FLRT2: variants seen among roughly 807,000 people sequenced by gnomAD.
FLRT2 encodes fibronectin leucine rich transmembrane protein 2.
FLRT2 carries 15 observed loss-of-function variants against 40.0 expected under a neutral mutation model. That is an observed-to-expected ratio of 0.38 (90% confidence interval 0.25 to 0.58). The LOEUF is 0.58. Among genes scored for constraint, FLRT2 ranks in the 20% least tolerant of loss-of-function variants. The probability of loss-of-function intolerance (pLI) is 0.71; values close to 1 mark genes in which losing one functional copy is unlikely to be tolerated. For synonymous variants in FLRT2, 380 were observed against 336.8 expected (o/e 1.13, Z -1.41); for missense variants, 726 against 840.0 (o/e 0.86, Z 1.68).
chr14:85,559,545 A>C (rs1292001001), intron 1 of FLRT2: 1 of 152,192 alleles, frequency 6.6e-6, no homozygotes, highest in East Asian at 1.9e-4. Flanking sequence ...TGAACCATAC[A>C]TGCTTGTAGT....
chr14:85,622,846 C>G lies in FLRT2; in HGVS notation c.1332C>G (p.Leu444=). ...DTSIQVSWLS[L]FTVMAYKLTW... ...CCATTCAAGTCAGCTGGCTCTCTCTCTTCACCGTGATGGCATACAAACTCA... is the reference window on the plus strand; with the variant it reads ...CCATTCAAGTCAGCTGGCTCTCTCTGTTCACCGTGATGGCATACAAACTCA... The change falls in exon 2 of 2, where the codon CTC becomes CTG. Residue 444 remains leucine, a synonymous_variant. Coordinates refer to ENST00000330753, the MANE Select transcript of FLRT2 (RefSeq NM_013231.6). The G allele has an allele frequency of 6.2e-7, 1 of 1,614,190 alleles. No individual in the cohort carries two copies. Among genetic ancestry groups the G allele is most frequent in the Non-Finnish European group, 8.5e-7 (1 of 1,180,038 alleles).
At chr14:85,579,791 C>T (rs1260041883) in intron 1 of FLRT2, among the ~76,000 whole-genome samples, 1 of 152,014 alleles carries the variant, frequency 6.6e-6, no homozygotes, top group East Asian at 1.9e-4. Context: ...GTAATAAGGG[C>T]TTACAGGGCA....
At chr14:85,612,586 G>T (rs1224054728) in intron 1 of FLRT2, among the ~76,000 whole-genome samples, 1 of 152,088 alleles carries the variant, frequency 6.6e-6, no homozygotes, top group East Asian at 1.9e-4. Context: ...GAAGGAGAGG[G>T]TCAAGGATAA....
chr14:85,563,375 A>T (rs149646174), intron 1 of FLRT2, among the ~76,000 whole-genome samples: 20 of 152,286 alleles, frequency 1.3e-4, no homozygotes, highest in African/African-American at 4.6e-4. Context: ...GTTTGTTCTC[A>T]CACTGCTGTA....
intron 1 of FLRT2, among the ~76,000 whole-genome samples, chr14:85,591,825 T>A (rs34836288): frequency 0.31 from 46,650 of 151,928 alleles, 7,834 homozygotes; most frequent in African/African-American, 0.45. Context: ...TGAAGTGAGG[T>A]GGTGTTTTGT....
At chr14:85,533,278 C>T (rs1888403058) in intron 1 of FLRT2, among the ~76,000 whole-genome samples, 1 of 147,926 alleles carries the variant, frequency 6.8e-6, no homozygotes, top group African/African-American at 2.4e-5. Flanking sequence ...GTAAACATAT[C>T]CGGGGGTGTC....
rs144096496 is a variant in FLRT2 at position 85,648,583 on chromosome 14, C to G, written c.*25086C>G. On this transcript the variant is annotated 3_prime_UTR_variant, in exon 2 of 2. Coordinates refer to ENST00000330753, the MANE Select transcript of FLRT2 (RefSeq NM_013231.6). ...CTCAGATGTGCTCTTGTACTTAATA[C>G]TTCCACTGGCAGTCCCTTTTCTTTC... 6.6e-6 allele frequency: 1 copy of G among 152,290 alleles called. No individual in the cohort carries two copies. Among genetic ancestry groups the G allele is most frequent in the East Asian group, 1.9e-4 (1 of 5,170 alleles). 9.4% of individuals were successfully genotyped at this position (152,290 alleles called of 1,614,324 possible).
Position 85,563,649 on chromosome 14 carries a change from A to G in FLRT2, c.-377+33115A>G, listed in dbSNP as rs189916052. ...AACAGCAAGGGGGAAGTCCACCTAC[A>G]TGATTCAATCACCTCCTTCCAGGCC... On this transcript the variant is annotated intron_variant, in intron 1 of 1. Coordinates refer to ENST00000330753, the MANE Select transcript of FLRT2 (RefSeq NM_013231.6). 3.4e-3 allele frequency among the ~76,000 whole-genome samples: 513 copies of G among 152,274 alleles called. 1 individual carries two copies. The highest frequency in any genetic ancestry group is 5.0e-3 in the Non-Finnish European group (343 of 68,030).
chr14:85,653,032 G>A lies in FLRT2; in HGVS notation c.*29535G>A, dbSNP rs1214964335. On this transcript the variant is annotated 3_prime_UTR_variant, in exon 2 of 2. Transcript: ENST00000330753. ...GGGAATATTAAGGTTTTAACTCAAG[G>A]CAGCTGATATGCAATGGCTGGGATA... 1.3e-5 allele frequency: 2 copies of A among 152,096 alleles called. No homozygotes were observed. The highest frequency in any genetic ancestry group is 2.4e-5 in the African/African-American group (1 of 41,418). The allele number at this position is 152,096 out of a possible 1,614,324, so 9.4% of individuals were successfully genotyped here.
intron 1 of FLRT2, among the ~76,000 whole-genome samples, chr14:85,589,443 C>T (rs1055771483): frequency 1.3e-5 from 2 of 152,168 alleles, no homozygotes; most frequent in African/African-American, 4.8e-5. Flanking sequence ...ATCTTTTGCC[C>T]GTGTTTTGAT....
chr14:85,587,779 T>G (rs1466594141), intron 1 of FLRT2, among the ~76,000 whole-genome samples: 3 of 152,212 alleles, frequency 2.0e-5, no homozygotes, highest in African/African-American at 4.8e-5. Flanking sequence ...GAGAATATTT[T>G]TTAACATCCT....
In FLRT2 at chr14:85,621,335, A is replaced by G. The variant is rs1341240313; in HGVS notation, c.-180A>G. 9.6e-6 allele frequency: 6 copies of G among 623,806 alleles called. No homozygotes were observed. The highest frequency in any genetic ancestry group is 1.8e-5 in the African/African-American group (1 of 54,348). The allele number at this position is 623,806 out of a possible 1,614,324, so 38.6% of individuals were successfully genotyped here. On this transcript the variant is annotated 5_prime_UTR_variant, in exon 2 of 2. Coordinates refer to ENST00000330753, the MANE Select transcript of FLRT2 (RefSeq NM_013231.6). Reference sequence around the variant, plus strand: ...GGAGGACAGCAGCAAAGAGGGCAACACAGGCTGATAAGACCAGAGACAGCA... The same window carrying G: ...GGAGGACAGCAGCAAAGAGGGCAACGCAGGCTGATAAGACCAGAGACAGCA...
rs763432948 is a variant in FLRT2, at chr14:85,622,197, A to G, written c.683A>G (p.His228Arg). The stretch of plus-strand genomic sequence containing the variant: ...GGTATCGCCGAGGGCACCTTCAGCC[A>G]TCTCACCAAGCTCAAGGAATTTTCA... ...NKGIAEGTFS[H>R]LTKLKEFSIV... is the part of the protein sequence containing the mutation. The change falls in exon 2 of 2, where the codon CAT (histidine) becomes CGT (arginine). Residue 228 changes from histidine to arginine, a missense_variant. His to Arg is a conservative substitution (Grantham distance 29). This residue lies in a region of FLRT2 where 611 missense variants were observed against 690.0 expected (regional missense o/e 0.89). Coordinates refer to ENST00000330753, the MANE Select transcript of FLRT2 (RefSeq NM_013231.6). 3 of 1,614,138 alleles carry G rather than the reference A, an allele frequency of 1.9e-6. No homozygotes were observed. The highest frequency in any genetic ancestry group is 1.7e-6 in the Non-Finnish European group (2 of 1,180,016).
At position 85,622,912 on chromosome 14, in the gene FLRT2, T is replaced by C; in HGVS notation, c.1398T>C (p.Val466=). 1 of 1,614,152 alleles carries C rather than the reference T, an allele frequency of 6.2e-7. No individual in the cohort carries two copies. The highest frequency in any genetic ancestry group is 8.5e-7 in the Non-Finnish European group (1 of 1,180,006). The part of the protein sequence containing the change: ...KMGHSLVGGI[V]QERIVSGEKQ... The stretch of plus-strand genomic sequence containing the variant: ...GCCACAGTTTAGTAGGGGGCATCGT[T>C]CAGGAGCGCATAGTCAGCGGTGAGA... The change falls in exon 2 of 2, where the codon GTT becomes GTC. Residue 466 remains valine (V), a synonymous_variant. Coordinates refer to ENST00000330753, the MANE Select transcript of FLRT2 (RefSeq NM_013231.6).
chr14:85,618,879 C>G (rs1406786513), intron 1 of FLRT2, among the ~76,000 whole-genome samples: 1 of 152,000 alleles, frequency 6.6e-6, no homozygotes, highest in Non-Finnish European at 1.5e-5. Context: ...CACTTGAGTA[C>G]CAAGATGTTA....
chr14:85,651,035 T>C lies in FLRT2; in HGVS notation c.*27538T>C, dbSNP rs1594982314. The C allele has an allele frequency of 6.6e-6, 1 of 151,962 alleles. No individual in the cohort carries two copies. The highest frequency in any genetic ancestry group is 1.5e-5 in the Non-Finnish European group (1 of 67,970). 9.4% of individuals were successfully genotyped at this position (151,962 alleles called of 1,614,324 possible). ...TTTTGTTTTTCTTAATATAAGGCTA[T>C]ACATTTCCCTCTAAGAACTAATTTA... is the stretch of plus-strand genomic sequence containing the variant. On this transcript the variant is annotated 3_prime_UTR_variant, in exon 2 of 2. Transcript: ENST00000330753.
chr14:85,593,052 A>C (rs532511996), intron 1 of FLRT2, among the ~76,000 whole-genome samples: 2 of 152,190 alleles, frequency 1.3e-5, no homozygotes, highest in Non-Finnish European at 2.9e-5. Context: ...TCTACTGTAC[A>C]CTAATCTCAA....
In FLRT2 at chr14:85,577,516, T is replaced by A. The variant is rs367616958; in HGVS notation, c.-376-43623T>A. 1.6e-4 allele frequency among the ~76,000 whole-genome samples: 24 copies of A among 152,250 alleles called. No homozygotes were observed. In the East Asian group the frequency reaches 4.4e-3, roughly 28 times the overall value. On this transcript the variant is annotated intron_variant, in intron 1 of 1. Coordinates refer to ENST00000330753, the MANE Select transcript of FLRT2 (RefSeq NM_013231.6). Reference sequence around the variant, plus strand: ...TTTCAAGACTCTGTTTTCTAGGCAGTCTCCTCTCTTTTAGTCTGGCTATTA... The same window carrying A: ...TTTCAAGACTCTGTTTTCTAGGCAGACTCCTCTCTTTTAGTCTGGCTATTA...
chr14:85,542,010 G>A (rs555077170), intron 1 of FLRT2, among the ~76,000 whole-genome samples: 24 of 152,276 alleles, frequency 1.6e-4, no homozygotes, highest in African/African-American at 5.5e-4. Flanking sequence ...ACTCTTGGCA[G>A]AGTCATGAAA....
Sources: allele counts gnomAD v4.1 joint callset (sites outside exome capture counted in the v4.1 genomes callset), GRCh38; gene constraint gnomAD v4.1.1; regional missense constraint gnomAD v4.1.1; transcripts MANE v1.5; gene names NCBI Gene and HGNC (gene_info 2026-07-23, HGNC 2026-07-21).